MAMDC2: variants seen among roughly 807,000 people sequenced by gnomAD.
MAMDC2 encodes the protein MAM domain-containing protein 2.
Under a neutral mutation model 89.8 loss-of-function variants are expected in MAMDC2, and 57 were observed. The ratio of observed to expected loss-of-function variants is 0.63; its 90% CI spans 0.51 to 0.79. The LOEUF is 0.79. Among genes scored for constraint, MAMDC2 ranks in the 30% least tolerant of loss-of-function variants. The pLI is 0.00. For synonymous variants in MAMDC2, 313 were observed against 293.4 expected (o/e 1.07, Z -0.68); for missense variants, 800 against 820.6 (o/e 0.97, Z 0.31).
intron 12 of MAMDC2, among the ~76,000 whole-genome samples, chr9:70,221,380 T>TATATAGAGAGAGAGAG: frequency 1.4e-4 from 1 of 7,042 alleles, no homozygotes; most frequent in East Asian, 9.8e-3. Flanking sequence ...TATATATATA[T>TATATAGAGAGAGAGAG]AGAGAGAGAG....
At chr9:70,217,601 C>T (rs754225239) in intron 11 of MAMDC2, 36 of 1,610,288 alleles carry the variant, frequency 2.2e-5, no homozygotes, top group Admixed American at 5.0e-5. Flanking sequence ...CCTACAAAGG[C>T]AGCACCTAAG....
intron 2 of MAMDC2, among the ~76,000 whole-genome samples, chr9:70,080,856 T>G (rs1827635557): frequency 6.6e-6 from 1 of 152,160 alleles, no homozygotes. Flanking sequence ...CACCTAATTT[T>G]TAAAAATCCT....
At chr9:70,092,180 TTAGAA>T (rs1324959067) in intron 2 of MAMDC2, 1 of 152,142 alleles carries the variant, frequency 6.6e-6, no homozygotes, top group Non-Finnish European at 1.5e-5. Context: ...TCCAGCTGTG[TTAGAA>T]TAGAAGGAGG....
intron 2 of MAMDC2, among the ~76,000 whole-genome samples, chr9:70,100,317 C>T (rs996397123): frequency 1.3e-5 from 2 of 152,124 alleles, no homozygotes; most frequent in African/African-American, 4.8e-5. Context: ...GTGGCGTGGC[C>T]AAGATTTGAA....
At chr9:70,105,510 A>C (rs1472023166) in intron 2 of MAMDC2, among the ~76,000 whole-genome samples, 3 of 152,298 alleles carry the variant, frequency 2.0e-5, no homozygotes, top group Admixed American at 2.0e-4. Flanking sequence ...ACATCTTTGC[A>C]TGGACTGTAA....
intron 5 of MAMDC2, among the ~76,000 whole-genome samples, chr9:70,114,161 T>A (rs1259999258): frequency 6.6e-6 from 1 of 150,962 alleles, no homozygotes; most frequent in Non-Finnish European, 1.5e-5. Flanking sequence ...ACCTTACTGT[T>A]CTCTTTGCTC....
intron 5 of MAMDC2, among the ~76,000 whole-genome samples, chr9:70,116,543 G>A (rs2030003606): frequency 6.6e-6 from 1 of 152,078 alleles, no homozygotes; most frequent in Non-Finnish European, 1.5e-5. Flanking sequence ...TGAATTCAAT[G>A]ATCTCTAAGA....
rs771988602 is a variant in MAMDC2 at position 70,108,454 on chromosome 9, A to C, written c.392A>C (p.Asp131Ala). Reference sequence around the variant, plus strand: ...GACAGCTGGCTCATAGCCAGCTTGGATTTGCAAAACAGTTCCAAGAAATTC... The same window carrying C: ...GACAGCTGGCTCATAGCCAGCTTGGCTTTGCAAAACAGTTCCAAGAAATTC... Reference protein sequence around the residue: ...PSDSWLIASLDLQNSSKKFKI... With the variant: ...PSDSWLIASLALQNSSKKFKI... The change falls in exon 3 of 14, where the codon GAT becomes GCT. Residue 131 changes from aspartate (D) to alanine (A), a missense_variant. Transcript: ENST00000377182. 1 of 1,604,636 alleles carries C rather than the reference A, an allele frequency of 6.2e-7. No individual in the cohort carries two copies. The highest frequency in any genetic ancestry group is 1.1e-5 in the South Asian group (1 of 89,172).
At chr9:70,209,600 A>AT (rs139859534) in intron 11 of MAMDC2, among the ~76,000 whole-genome samples, 119,704 of 151,966 alleles carry the variant, frequency 0.79, 47,278 homozygotes, top group Admixed American at 0.83. Flanking sequence ...GGATTCACTG[A>AT]TTTTTTTGAA....
chr9:70,179,727 G>A (rs2032593518), intron 11 of MAMDC2, among the ~76,000 whole-genome samples: 2 of 150,842 alleles, frequency 1.3e-5, no homozygotes, highest in Non-Finnish European at 2.9e-5. Context: ...CAGCCAGGAT[G>A]GGTATAGTGT....
chr9:70,098,015 T>C (rs1266423970), intron 2 of MAMDC2, among the ~76,000 whole-genome samples: 2 of 152,194 alleles, frequency 1.3e-5, no homozygotes, highest in Non-Finnish European at 2.9e-5. Flanking sequence ...AGCAGGAAGA[T>C]TTGGAAGCCC....
intron 11 of MAMDC2, chr9:70,175,610 A>G (rs2032474615): frequency 1.3e-5 from 2 of 152,228 alleles, no homozygotes; most frequent in African/African-American, 4.8e-5. Context: ...CATAGGGTTC[A>G]GTAGTATCAG....
At chr9:70,177,730 G>A (rs1411548096) in intron 11 of MAMDC2, among the ~76,000 whole-genome samples, 2 of 152,224 alleles carry the variant, frequency 1.3e-5, no homozygotes, top group Non-Finnish European at 2.9e-5. Flanking sequence ...TCTCACATTT[G>A]TCTGGTTCTA....
chr9:70,223,648 A>C lies in MAMDC2; in HGVS notation c.1912-2102A>C, dbSNP rs1247531535. Among the ~76,000 whole-genome samples the C allele has an allele frequency of 3.3e-5, 5 of 152,220 alleles. No individual in the cohort carries two copies. In the East Asian group the frequency reaches 9.6e-4, roughly 29 times the overall value. On this transcript the variant is annotated intron_variant, in intron 12 of 13. Coordinates refer to ENST00000377182, the MANE Select transcript of MAMDC2 (RefSeq NM_153267.5). ...TCCCTTAAAATTTCAAACTATCCAC[A>C]GCACCCCATGAATGTACTTGGGCAC... is the stretch of plus-strand genomic sequence containing the variant.
chr9:70,158,186 C>T (rs753932417), intron 9 of MAMDC2, among the ~76,000 whole-genome samples: 2 of 152,130 alleles, frequency 1.3e-5, no homozygotes, highest in Non-Finnish European at 2.9e-5. Context: ...AACCCCTGGG[C>T]TCAAGCGATC....
chr9:70,054,110 C>G (rs1416364692), intron 2 of MAMDC2, among the ~76,000 whole-genome samples: 1 of 152,110 alleles, frequency 6.6e-6, no homozygotes, highest in African/African-American at 2.4e-5. Flanking sequence ...CAGTTCTGAG[C>G]TGCCTGGGAC....
chr9:70,173,277 C>T (rs1927131), intron 11 of MAMDC2, among the ~76,000 whole-genome samples: 15,791 of 152,042 alleles, frequency 0.1, 1,628 homozygotes, highest in African/African-American at 0.27. Context: ...TTGGAAATGT[C>T]TTGAGGGCAT....
intron 2 of MAMDC2, among the ~76,000 whole-genome samples, chr9:70,090,954 A>T (rs193030584): frequency 1.3e-5 from 2 of 152,338 alleles, no homozygotes; most frequent in East Asian, 3.9e-4. Context: ...AGAGAAACAG[A>T]TAGATAATAT....
intron 8 of MAMDC2, among the ~76,000 whole-genome samples, chr9:70,141,796 G>A (rs1008152115): frequency 5.9e-5 from 9 of 152,100 alleles, no homozygotes; most frequent in African/African-American, 2.2e-4. Context: ...TAAATTGTGG[G>A]AAAGTGACTA....
Sources: allele counts gnomAD v4.1 joint callset (sites outside exome capture counted in the v4.1 genomes callset), GRCh38; gene constraint gnomAD v4.1.1; transcripts MANE v1.5; gene names NCBI Gene and HGNC (gene_info 2026-07-23, HGNC 2026-07-21).